The following LINGO2 variants were observed in gnomAD, a reference collection of about 807,000 sequenced individuals.
The protein encoded by LINGO2 is leucine rich repeat and Ig domain containing 2.
In LINGO2, 14 loss-of-function variants were observed where a neutral mutation model predicts 30.6. That is an observed-to-expected ratio of 0.46 (90% CI 0.30 to 0.72). The LOEUF is 0.72. Ranked by LOEUF, LINGO2 falls within the 30% of genes least tolerant of loss-of-function variation. The pLI is 0.07. For synonymous variants in LINGO2, 317 were observed against 288.5 expected (o/e 1.10, Z -1.00); for missense variants, 729 against 751.7 (o/e 0.97, Z 0.35).
At chr9:28,568,847 T>G (rs751207431) in intron 1 of LINGO2, among the ~76,000 whole-genome samples, 1 of 148,402 alleles carries the variant, frequency 6.7e-6, no homozygotes, top group Non-Finnish European at 1.5e-5. Flanking sequence ...AATGCTAGAC[T>G]GTTCTTCAAC....
At chr9:28,155,859 C>A (rs1828118307) in intron 4 of LINGO2, among the ~76,000 whole-genome samples, 1 of 152,062 alleles carries the variant, frequency 6.6e-6, no homozygotes, top group Admixed American at 6.6e-5. Context: ...CATGTGAGGA[C>A]ATGGCAAGAA....
chr9:29,016,362 A>G, the LINGO2 span, among the ~76,000 whole-genome samples: 6 of 152,268 alleles, frequency 3.9e-5, no homozygotes, highest in Admixed American at 3.9e-4. Flanking sequence ...ATAACTCTCA[A>G]TATGAGACCA....
chr9:28,688,625 A>T, the LINGO2 span, among the ~76,000 whole-genome samples: 1 of 152,192 alleles, frequency 6.6e-6, no homozygotes, highest in African/African-American at 2.4e-5. Context: ...TCATTTAAAA[A>T]TAAACTCGTT....
intron 3 of LINGO2, among the ~76,000 whole-genome samples, chr9:28,367,363 C>A (rs751052078): frequency 2.0e-5 from 3 of 152,146 alleles, no homozygotes; most frequent in African/African-American, 7.2e-5. Context: ...TAAAACACTC[C>A]TCCTGGAGTC....
chr9:28,993,736 G>C, the LINGO2 span, among the ~76,000 whole-genome samples: 136,990 of 150,014 alleles, frequency 0.91, 62,833 homozygotes, highest in Non-Finnish European at 0.93. Flanking sequence ...AAATGTAATC[G>C]AGCATATAAA....
At chr9:28,394,111 C>T (rs1260263064) in intron 2 of LINGO2, among the ~76,000 whole-genome samples, 1 of 152,042 alleles carries the variant, frequency 6.6e-6, no homozygotes, top group Non-Finnish European at 1.5e-5. Flanking sequence ...GGAACCAAGA[C>T]TAAGACACCA....
At chr9:28,258,693 T>C (rs1025441319) in intron 4 of LINGO2, among the ~76,000 whole-genome samples, 1 of 151,952 alleles carries the variant, frequency 6.6e-6, no homozygotes. Flanking sequence ...ATTCCACAGC[T>C]CAATGAAAGC....
chr9:28,824,506 C>G, the LINGO2 span, among the ~76,000 whole-genome samples: 1 of 152,134 alleles, frequency 6.6e-6, no homozygotes, highest in East Asian at 1.9e-4. Context: ...TGCATCACTT[C>G]AAGACTCTAG....
intron 4 of LINGO2, among the ~76,000 whole-genome samples, chr9:28,048,067 GTAC>G (rs1309468434): frequency 6.6e-6 from 1 of 150,892 alleles, no homozygotes; most frequent in Non-Finnish European, 1.5e-5. Context: ...AAAACTGCAT[GTAC>G]TGGCAGAAAC....
At chr9:28,935,116 A>G in the LINGO2 span, among the ~76,000 whole-genome samples, 1 of 152,154 alleles carries the variant, frequency 6.6e-6, no homozygotes, top group Non-Finnish European at 1.5e-5. Flanking sequence ...TACAAAAAAA[A>G]GGATATATAT....
the LINGO2 span, among the ~76,000 whole-genome samples, chr9:29,164,201 TA>T: frequency 2.0e-5 from 3 of 152,006 alleles, no homozygotes; most frequent in Non-Finnish European, 2.9e-5. Context: ...TGAGTTATCA[TA>T]AAGTGGATTA....
At chr9:29,183,874 G>A in the LINGO2 span, among the ~76,000 whole-genome samples, 10 of 150,448 alleles carry the variant, frequency 6.6e-5, no homozygotes, top group African/African-American at 9.7e-5. Flanking sequence ...TCAGTCTTCC[G>A]TTCACACTGC....
At chr9:27,977,406 G>C (rs78389589) in intron 5 of LINGO2, among the ~76,000 whole-genome samples, 35 of 151,846 alleles carry the variant, frequency 2.3e-4, no homozygotes, top group African/African-American at 7.7e-4. Flanking sequence ...AGTGTGTGTC[G>C]GGGGCGGGTT....
intron 4 of LINGO2, among the ~76,000 whole-genome samples, chr9:28,290,153 C>G (rs1823667191): frequency 6.6e-6 from 1 of 152,118 alleles, no homozygotes; most frequent in African/African-American, 2.4e-5. Flanking sequence ...TTGTTAGGGT[C>G]ACAAGGCAGA....
chr9:28,837,678 A>ATATATATT, the LINGO2 span, among the ~76,000 whole-genome samples: 5 of 131,398 alleles, frequency 3.8e-5, no homozygotes, highest in African/African-American at 5.7e-5. Context: ...ATATATATAT[A>ATATATATT]TATTTAGGAT....
chr9:28,247,593 C>G (rs1345157438), intron 4 of LINGO2, among the ~76,000 whole-genome samples: 1 of 151,948 alleles, frequency 6.6e-6, no homozygotes, highest in Non-Finnish European at 1.5e-5. Context: ...ACACTGGGGC[C>G]TGTAGGGAAG....
At chr9:28,628,166 G>C (rs1196734226) in intron 1 of LINGO2, among the ~76,000 whole-genome samples, 1 of 152,036 alleles carries the variant, frequency 6.6e-6, no homozygotes, top group African/African-American at 2.4e-5. Flanking sequence ...AAACCATGCA[G>C]CAGATTTCAG....
chr9:28,221,115 C>T (rs922630549), intron 4 of LINGO2, among the ~76,000 whole-genome samples: 45 of 151,686 alleles, frequency 3.0e-4, no homozygotes, highest in African/African-American at 1.0e-3. Flanking sequence ...CTCGCTAACA[C>T]GGTGAAACCC....
chr9:28,918,613 G>C, the LINGO2 span, among the ~76,000 whole-genome samples: 5 of 152,110 alleles, frequency 3.3e-5, no homozygotes, highest in African/African-American at 1.2e-4. Flanking sequence ...CGTCTCTAAT[G>C]ACACAGGATT....
Sources: allele counts gnomAD v4.1 joint callset (sites outside exome capture counted in the v4.1 genomes callset), GRCh38; gene constraint gnomAD v4.1.1; transcripts MANE v1.5; gene names NCBI Gene and HGNC (gene_info 2026-07-23, HGNC 2026-07-21).